PRDX1: variants seen among roughly 807,000 people sequenced by gnomAD.
PRDX1 encodes peroxiredoxin-1.
Under a neutral mutation model 20.7 loss-of-function variants are expected in PRDX1, and 19 were observed. The ratio of observed to expected loss-of-function variants is 0.92; its 90% CI spans 0.64 to 1.35. The LOEUF (loss-of-function observed/expected upper bound fraction) is 1.35. Ranked by LOEUF, PRDX1 falls within the 40% of genes most tolerant of loss-of-function variation. PRDX1 has a pLI of 0.00. For missense variants in PRDX1, 226 were observed against 240.0 expected, an observed-to-expected ratio of 0.94 and a Z score of 0.38; for synonymous variants, 89 against 83.9, an observed-to-expected ratio of 1.06 and a Z score of -0.33.
Position 45,511,260 on chromosome 1 carries a change from A to C in PRDX1, c.*69T>G. 9 of 1,339,200 alleles carry C rather than the reference A, an allele frequency of 6.7e-6. No homozygotes were observed. Among genetic ancestry groups the C allele is most frequent in the Non-Finnish European group, 9.2e-6 (9 of 976,528 alleles). The allele number at this position is 1,339,200 out of a possible 1,614,324, so 83.0% of individuals were successfully genotyped here. On this transcript the variant is annotated 3_prime_UTR_variant, in exon 6 of 6. Transcript: ENST00000319248. ...AAGTCTTGTGTTTTACTAATGGAAA[A>C]AAAAAATACAGAAGAGGTTTTGTTC...
At chr1:45,521,343 A>G (rs2149330918) in intron 1 of PRDX1, among the ~76,000 whole-genome samples, 1 of 152,196 alleles carries the variant, frequency 6.6e-6, no homozygotes. Flanking sequence ...CTCATCGCTA[A>G]CTCCATTCCA....
rs1157539851 is a variant in PRDX1, at chr1:45,515,778, G to C, written c.136C>G (p.Leu46Val). 6.3e-7 allele frequency: 1 copy of C among 1,581,970 alleles called. No homozygotes were observed. Among genetic ancestry groups the C allele is most frequent in the Non-Finnish European group, 8.6e-7 (1 of 1,169,372 alleles). The change falls in exon 3 of 6, where the codon CTT (leucine) becomes GTT (valine). Residue 46 changes from leucine to valine, a missense_variant. By Grantham distance (32) the Leu-to-Val change is conservative (BLOSUM62 1). Transcript: ENST00000319248. ...GTGGGGCACACAAAGGTGAAGTCAA[G>C]AGGGTAAAAGAAGAACACAACATAT... ...GKYVVFFFYPLDFTFVCPTEI... is the reference protein window; with the variant it reads ...GKYVVFFFYPVDFTFVCPTEI...
rs550632506 is a variant in PRDX1 at position 45,514,922 on chromosome 1, T to C, written c.334A>G (p.Ile112Val). 1.2e-6 allele frequency: 2 copies of C among 1,614,206 alleles called. No individual in the cohort carries two copies. The highest frequency in any genetic ancestry group is 1.7e-5 in the Admixed American group (1 of 60,024). ...TTTAAGACCCCATAATCCTGAGCAA[T>C]GGTGCGCTTCGGGTCTGATACCAAA... is the stretch of plus-strand genomic sequence containing the variant. ...IPLVSDPKRT[I>V]AQDYGVLKAD... The change falls in exon 4 of 6, where the codon ATT becomes GTT. Residue 112 changes from isoleucine to valine, a missense_variant. By Grantham distance (29) the Ile-to-Val change is conservative (BLOSUM62 3). Transcript: ENST00000319248.
Position 45,514,531 on chromosome 1 carries a change from G to A in PRDX1, c.490C>T (p.Gln164Ter), listed in dbSNP as rs778776514. 6.2e-7 allele frequency: 1 copy of A among 1,614,094 alleles called. No homozygotes were observed. The highest frequency in any genetic ancestry group is 8.5e-7 in the Non-Finnish European group (1 of 1,179,986). Residue 164 changes from glutamine (Q) to a stop codon, truncating the protein, a stop_gained, in exon 5 of 6, where the codon CAG (glutamine) becomes TAG (stop). Transcript: ENST00000319248. LOFTEE classifies it high-confidence loss of function. ...CCTTCCCCATGTTTGTCAGTGAACT[G>A]GAAGGCCTGAACTAGTCTCAAAGTC... is the stretch of plus-strand genomic sequence containing the variant. ...DETLRLVQAF[Q>*]FTDKHGEVCP... is the part of the protein sequence containing the mutation.
chr1:45,515,133 T>A, intron 3 of PRDX1, 138 bp from the exon 4 acceptor site: 1 of 1,259,276 alleles, frequency 7.9e-7, no homozygotes, highest in Non-Finnish European at 1.1e-6. Flanking sequence ...ATAAAGTGAA[T>A]GCTGAGAACA....
At chr1:45,520,118 T>A (rs1404606923) in intron 1 of PRDX1, among the ~76,000 whole-genome samples, 1 of 147,672 alleles carries the variant, frequency 6.8e-6, no homozygotes, top group East Asian at 2.0e-4. Flanking sequence ...AGCAGGAGAA[T>A]CACTTGAACC....
chr1:45,515,129 T>C, intron 3 of PRDX1, 134 bp from the exon 4 acceptor site: 1 of 1,296,028 alleles, frequency 7.7e-7, no homozygotes. Context: ...AGCAATAAAG[T>C]GAATGCTGAG....
intron 2 of PRDX1, among the ~76,000 whole-genome samples, chr1:45,518,318 T>C (rs1454404882): frequency 6.6e-6 from 1 of 151,132 alleles, no homozygotes; most frequent in Non-Finnish European, 1.5e-5. Context: ...CAAAAAAAAA[T>C]TAGCCAGGCA....
At position 45,511,368 on chromosome 1, in the gene PRDX1, A is replaced by C; in HGVS notation, c.561T>G (p.Asp187Glu). 6.2e-7 allele frequency: 1 copy of C among 1,613,294 alleles called. No homozygotes were observed. The highest frequency in any genetic ancestry group is 8.5e-7 in the Non-Finnish European group (1 of 1,179,714). ...WKPGSDTIKP[D>E]VQKSKEYFSK... is the part of the protein sequence containing the mutation. ...AGAAATATTCTTTGCTCTTTTGGACATCAGGCTTGATGGTATCACTGCCAG... is the reference window on the plus strand; with the variant it reads ...AGAAATATTCTTTGCTCTTTTGGACCTCAGGCTTGATGGTATCACTGCCAG... Residue 187 changes from aspartate to glutamate, a missense_variant, in exon 6 of 6, where the codon GAT becomes GAG. Physicochemically the swap from Asp to Glu is conservative, Grantham distance 45 (BLOSUM62 2). Transcript: ENST00000319248.
intron 5 of PRDX1, chr1:45,512,320 C>G (rs868597256): frequency 9.3e-5 from 14 of 151,148 alleles, no homozygotes; most frequent in Admixed American, 3.3e-4. Context: ...TCACTGCAAG[C>G]TCCACCTCCG....
intron 1 of PRDX1, among the ~76,000 whole-genome samples, chr1:45,520,016 C>A (rs1020476001): frequency 6.6e-6 from 1 of 151,986 alleles, no homozygotes. Context: ...ACCAGTCTGG[C>A]CAACATGGTG....
chr1:45,519,115 C>T lies in PRDX1; in HGVS notation c.-11-61G>A, dbSNP rs1309790769. 3 of 1,198,904 alleles carry T rather than the reference C, an allele frequency of 2.5e-6. No individual in the cohort carries two copies. In the African/African-American group the frequency reaches 4.6e-5, roughly 19 times the overall value. The allele number at this position is 1,198,904 out of a possible 1,614,324, so 74.3% of individuals were successfully genotyped here. ...AATTTTCTACATAACCAGCAGCCTTCACCTACTTAAAGAGACTTAGCTGTA... is the reference window on the plus strand; with the variant it reads ...AATTTTCTACATAACCAGCAGCCTTTACCTACTTAAAGAGACTTAGCTGTA... On this transcript the variant is annotated intron_variant, in intron 1 of 5. Transcript: ENST00000319248.
chr1:45,520,723 CAAAAA>C (rs71052895), intron 1 of PRDX1, among the ~76,000 whole-genome samples: 38 of 57,534 alleles, frequency 6.6e-4, no homozygotes, highest in African/African-American at 2.4e-3. Flanking sequence ...GACTCCGTCT[CAAAAA>C]AAAAAAAAAA....
chr1:45,514,788 G>A, intron 4 of PRDX1, 85 bp downstream of exon 4: 3 of 1,580,684 alleles, frequency 1.9e-6, no homozygotes, highest in Non-Finnish European at 2.6e-6. Context: ...GGAATGAAAT[G>A]ACAAGGAGTC....
intron 2 of PRDX1, 127 bp from the exon 3 acceptor site, chr1:45,515,934 G>C (rs1332651555): frequency 1.1e-6 from 1 of 929,390 alleles, no homozygotes; most frequent in East Asian, 2.9e-5. Flanking sequence ...GCTCAATACA[G>C]ATGTCTCCTA....
rs182341925 is a variant in PRDX1, at chr1:45,515,112, G to A, written c.261-117C>T. 102 of 1,418,346 alleles carry A rather than the reference G, an allele frequency of 7.2e-5. No individual in the cohort carries two copies. In the African/African-American group the frequency reaches 7.3e-4, roughly 10 times the overall value. The allele number at this position is 1,418,346 out of a possible 1,614,324, so 87.9% of individuals were successfully genotyped here. ...TTTCCAAAAAGACTGTTTTTTTTCC[G>A]TTTTCCAGCAATAAAGTGAATGCTG... On this transcript the variant is annotated intron_variant, in intron 3 of 5. Transcript: ENST00000319248.
chr1:45,512,161 C>T (rs1452462617), intron 5 of PRDX1: 1 of 140,866 alleles, frequency 7.1e-6, no homozygotes, highest in African/African-American at 2.6e-5. Context: ...CTCCGTCTCA[C>T]TGCAACCTCG....
intron 5 of PRDX1, chr1:45,513,209 A>G (rs936769593): frequency 6.6e-6 from 1 of 152,210 alleles, no homozygotes; most frequent in Non-Finnish European, 1.5e-5. Flanking sequence ...AAGTTATTTA[A>G]AAAATGGCAT....
In PRDX1 at chr1:45,514,943, C is replaced by A. The variant is rs751405893; in HGVS notation, c.313G>T (p.Val105Leu). Residue 105 changes from valine (V) to leucine (L), a missense_variant, in exon 4 of 6, where the codon GTA (valine) becomes TTA (leucine). Val to Leu is a conservative substitution (Grantham distance 32). Transcript: ENST00000319248. ...GGLGPMNIPLVSDPKRTIAQD... is the reference protein window; with the variant it reads ...GGLGPMNIPLLSDPKRTIAQD... ...GCAATGGTGCGCTTCGGGTCTGATA[C>A]CAAAGGAATGTTCATGGGTCCCAGT... 6.2e-7 allele frequency: 1 copy of A among 1,614,072 alleles called. No individual in the cohort carries two copies. Among genetic ancestry groups the A allele is most frequent in the African/African-American group, 1.3e-5 (1 of 74,922 alleles).
Sources: allele counts gnomAD v4.1 joint callset (sites outside exome capture counted in the v4.1 genomes callset), GRCh38; gene constraint gnomAD v4.1.1; transcripts MANE v1.5; gene names NCBI Gene and HGNC (gene_info 2026-07-23, HGNC 2026-07-21).